POLQ: variants seen among roughly 807,000 people sequenced by gnomAD.
POLQ encodes the protein epididymis secretory sperm binding protein.
A neutral mutation model predicts 259.2 loss-of-function variants in POLQ; 233 were observed. The observed-to-expected ratio is 0.90, with a 90% CI of 0.81 to 1.00. The LOEUF (loss-of-function observed/expected upper bound fraction) is 1.00, where lower values mean the gene tolerates loss of function less well. Among genes scored for constraint, POLQ ranks in the 50% least tolerant of loss-of-function variants. The pLI, the probability that POLQ is intolerant of heterozygous loss-of-function variation, is 0.00. For missense variants in POLQ, 2,871 were observed against 3,051.6 expected, an observed-to-expected ratio of 0.94 and a Z score of 1.39; for synonymous variants, 1,025 against 1,048.8, an observed-to-expected ratio of 0.98 and a Z score of 0.44.
rs1427046070 is a variant in POLQ, at chr3:121,511,939, T to C, written c.1559A>G (p.Gln520Arg). 6.2e-7 allele frequency: 1 copy of C among 1,613,874 alleles called. No homozygotes were observed. The highest frequency in any genetic ancestry group is 8.5e-7 in the Non-Finnish European group (1 of 1,179,844). The part of the protein sequence containing the change: ...GSLKPVRSCL[Q>R]RREGEEVTGS... ...AGTTACTTCTTCTCCTTCTCGTCTT[T>C]GCAGACAGCTGCGAACAGGCTTTAG... The change falls in exon 10 of 30, where the codon CAA (glutamine) becomes CGA (arginine). Residue 520 changes from glutamine (Q) to arginine (R), a missense_variant. Physicochemically the swap from Gln to Arg is conservative, Grantham distance 43. Coordinates refer to ENST00000264233, the MANE Select transcript of POLQ (RefSeq NM_199420.4).
intron 25 of POLQ, among the ~76,000 whole-genome samples, chr3:121,457,754 T>C (rs1323435732): frequency 5.3e-5 from 8 of 152,164 alleles, no homozygotes; most frequent in Non-Finnish European, 1.0e-4. Context: ...GGAGAGGATG[T>C]GGAGAAATAG....
chr3:121,527,895 C>G (rs2048383884), intron 7 of POLQ, among the ~76,000 whole-genome samples: 1 of 152,116 alleles, frequency 6.6e-6, no homozygotes, highest in African/African-American at 2.4e-5. Context: ...ACACAAACTG[C>G]TCATATGAAG....
At chr3:121,461,771 T>C (rs190125427) in intron 24 of POLQ, among the ~76,000 whole-genome samples, 1 of 152,312 alleles carries the variant, frequency 6.6e-6, no homozygotes, top group East Asian at 1.9e-4. Context: ...TATTTGCTTA[T>C]ATCTGCATAA....
chr3:121,483,464 G>A lies in POLQ; in HGVS notation c.5892C>T (p.Ile1964=), dbSNP rs1393963931. 6.2e-7 allele frequency: 1 copy of A among 1,606,386 alleles called. No homozygotes were observed. Among genetic ancestry groups the A allele is most frequent in the Admixed American group, 1.7e-5 (1 of 58,422 alleles). The change falls in exon 18 of 30, where the codon ATC becomes ATT. Residue 1964 remains isoleucine (I), a synonymous_variant. Coordinates refer to ENST00000264233, the MANE Select transcript of POLQ (RefSeq NM_199420.4). ...TTTTATAGCTCTGGATGAAGTCATA[G>A]ATGACAACAGAACATTCTTTATCAG... ...KESDKECSVV[I]YDFIQSYKIL... is the part of the protein sequence containing the mutation.
intron 1 of POLQ, 63 bp downstream of exon 1, chr3:121,545,648 CACCT>C: frequency 7.0e-7 from 1 of 1,434,504 alleles, no homozygotes; most frequent in Non-Finnish European, 9.3e-7. Context: ...GGGGTGAGGA[CACCT>C]CCCGACCCAT....
At chr3:121,481,015 C>T (rs2047965917) in intron 19 of POLQ, among the ~76,000 whole-genome samples, 3 of 152,098 alleles carry the variant, frequency 2.0e-5, no homozygotes, top group Non-Finnish European at 2.9e-5. Context: ...TCTGGGCCAG[C>T]AGATAACAAT....
At chr3:121,516,391 G>A (rs1162469806) in intron 9 of POLQ, among the ~76,000 whole-genome samples, 2 of 152,158 alleles carry the variant, frequency 1.3e-5, no homozygotes, top group Non-Finnish European at 2.9e-5. Context: ...AGCATTAGCA[G>A]CAAGATAAAC....
At chr3:121,484,877 G>T (rs1472883271) in intron 17 of POLQ, among the ~76,000 whole-genome samples, 164 bp downstream of exon 17, 2 of 151,902 alleles carry the variant, frequency 1.3e-5, no homozygotes, top group African/African-American at 4.8e-5. Flanking sequence ...CTCCAGCCTG[G>T]GCAAAAGAGT....
At chr3:121,523,356 T>A (rs148063933) in intron 7 of POLQ, among the ~76,000 whole-genome samples, 1 of 152,170 alleles carries the variant, frequency 6.6e-6, no homozygotes, top group Non-Finnish European at 1.5e-5. Flanking sequence ...TACATACTTA[T>A]ATGTTGTCTT....
intron 25 of POLQ, among the ~76,000 whole-genome samples, chr3:121,454,060 G>C (rs964184739): frequency 2.0e-5 from 3 of 152,188 alleles, no homozygotes; most frequent in East Asian, 1.9e-4. Flanking sequence ...AGCCAGAAGA[G>C]AGTGGGGGCC....
rs2047986062 is a variant in POLQ, at chr3:121,483,437, A to G, written c.5919T>C (p.Ile1973=). Residue 1973 remains isoleucine (I), a synonymous_variant, in exon 18 of 30, where the codon ATT becomes ATC. Coordinates refer to ENST00000264233, the MANE Select transcript of POLQ (RefSeq NM_199420.4). The stretch of plus-strand genomic sequence containing the variant: ...AGGAGATGCCACAAGAAAGAAGAAG[A>G]ATTTTATAGCTCTGGATGAAGTCAT... ...VIYDFIQSYK[I]LLLSCGISLE... is the part of the protein sequence containing the mutation. 6.3e-7 allele frequency: 1 copy of G among 1,590,510 alleles called. No individual in the cohort carries two copies. Among genetic ancestry groups the G allele is most frequent in the Non-Finnish European group, 8.5e-7 (1 of 1,173,056 alleles).
chr3:121,494,310 C>T, intron 14 of POLQ: 10 of 1,597,028 alleles, frequency 6.3e-6, no homozygotes, highest in Admixed American at 1.7e-5. Context: ...CGGCAGAGAG[C>T]CATCCTCTAT....
At position 121,476,725 on chromosome 3, in the gene POLQ, G is replaced by A. The variant is rs1222876746; in HGVS notation, c.6220C>T (p.Arg2074Cys). ...TACTGAGAGGGCATTTCCACCTTAC[G>A]GAAAACATCTGGAAGAAAAAAGAAA... ...LQKENLQDVF[R>C]KVEMPSQYCL... The change falls in exon 20 of 30, where the codon CGT becomes TGT. Residue 2074 changes from arginine to cysteine, a missense_variant. Coordinates refer to ENST00000264233, the MANE Select transcript of POLQ (RefSeq NM_199420.4). 23 of 1,596,084 alleles carry A rather than the reference G, an allele frequency of 1.4e-5. No individual in the cohort carries two copies. Among genetic ancestry groups the A allele is most frequent in the African/African-American group, 8.1e-5 (6 of 73,666 alleles).
At chr3:121,471,336 A>AG (rs927586290) in intron 22 of POLQ, among the ~76,000 whole-genome samples, 1 of 152,134 alleles carries the variant, frequency 6.6e-6, no homozygotes, top group Non-Finnish European at 1.5e-5. Context: ...GGCTCAAAAA[A>AG]GGGCTGGGAC....
chr3:121,457,164 G>C (rs1014430342), intron 25 of POLQ, among the ~76,000 whole-genome samples: 14 of 152,270 alleles, frequency 9.2e-5, no homozygotes, highest in Admixed American at 7.2e-4. Context: ...ATGGTGCTGG[G>C]AAAACTGGCT....
chr3:121,519,907 C>T lies in POLQ; in HGVS notation c.1432G>A (p.Val478Ile). The change falls in exon 9 of 30, where the codon GTT becomes ATT. Residue 478 changes from valine to isoleucine, a missense_variant. Around this residue, in one of 3 missense-constraint regions of POLQ, gnomAD observed 783 missense variants for 906.2 expected, o/e 0.86. Transcript: ENST00000264233. ...PLDILTYKQM[V>I]GRAGRKGVDT... ...ACTCCTTTCCTGCCAGCACGGCCAA[C>T]CATCTGCTTATAAGTAAGAATATCT... is the stretch of plus-strand genomic sequence containing the variant. 1.2e-6 allele frequency: 2 copies of T among 1,608,420 alleles called. No homozygotes were observed. Among genetic ancestry groups the T allele is most frequent in the Non-Finnish European group, 1.7e-6 (2 of 1,174,948 alleles).
chr3:121,514,550 G>A (rs545265436), intron 9 of POLQ, among the ~76,000 whole-genome samples: 2 of 152,224 alleles, frequency 1.3e-5, no homozygotes, highest in African/African-American at 4.8e-5. Flanking sequence ...GGCTTCTACA[G>A]TGGGAAAAGA....
rs1386322790 is a variant in POLQ, at chr3:121,483,433, G to A, written c.5923C>T (p.Leu1975Phe). The change falls in exon 18 of 30, where the codon CTT (leucine) becomes TTT (phenylalanine). Residue 1975 changes from leucine to phenylalanine, a missense_variant. By Grantham distance (22) the Leu-to-Phe change is conservative. Coordinates refer to ENST00000264233, the MANE Select transcript of POLQ (RefSeq NM_199420.4). Reference protein sequence around the residue: ...YDFIQSYKILLLSCGISLEQS... With the variant: ...YDFIQSYKILFLSCGISLEQS... ...TCCAAGGAGATGCCACAAGAAAGAA[G>A]AAGAATTTTATAGCTCTGGATGAAG... is the stretch of plus-strand genomic sequence containing the variant. The A allele has an allele frequency of 6.3e-7, 1 of 1,589,266 alleles. No homozygotes were observed. The highest frequency in any genetic ancestry group is 2.3e-5 in the East Asian group (1 of 44,266).
chr3:121,530,951 C>A (rs908882971), intron 6 of POLQ, among the ~76,000 whole-genome samples: 1 of 152,120 alleles, frequency 6.6e-6, no homozygotes, highest in Non-Finnish European at 1.5e-5. Flanking sequence ...GTAATCCCAG[C>A]ACTTTGGGAG....
Sources: gnomAD v4.1 joint callset for allele counts (sites outside exome capture counted in the v4.1 genomes callset) on GRCh38, gnomAD v4.1.1 for gene constraint, gnomAD v4.1.1 regional missense constraint, MANE v1.5 for transcripts, NCBI Gene and HGNC (gene_info 2026-07-23, HGNC 2026-07-21) for gene names.